Variants in ROBO2 observed in about 807,000 individuals in gnomAD.
ROBO2 encodes the protein roundabout homolog 2.
ROBO2 carries 53 observed loss-of-function variants against 160.8 expected under a neutral mutation model. That is an observed-to-expected ratio of 0.33 (90% CI 0.26 to 0.41). The LOEUF is 0.41. Among genes scored for constraint, ROBO2 ranks in the 10% least tolerant of loss-of-function variants. The pLI, the probability that ROBO2 is intolerant of heterozygous loss-of-function variation, is 1.00. For synonymous variants in ROBO2, 664 were observed against 611.7 expected (o/e 1.09, Z -1.26); for missense variants, 1,577 against 1,722.4 (o/e 0.92, Z 1.49).
intron 2 of ROBO2, among the ~76,000 whole-genome samples, chr3:76,678,371 A>T (rs1010364923): frequency 1.3e-5 from 2 of 152,048 alleles, no homozygotes; most frequent in African/African-American, 2.4e-5. Context: ...CCTTTTTATA[A>T]TGAACTTGGT....
At chr3:77,086,662 G>A (rs1350309383) in intron 1 of ROBO2, among the ~76,000 whole-genome samples, 1 of 152,070 alleles carries the variant, frequency 6.6e-6, no homozygotes, top group Admixed American at 6.6e-5. Context: ...AAATTCTGTA[G>A]TAAATGAATG....
chr3:76,972,110 C>T (rs953432820), intron 2 of ROBO2, among the ~76,000 whole-genome samples: 5 of 152,128 alleles, frequency 3.3e-5, no homozygotes, highest in African/African-American at 1.2e-4. Flanking sequence ...TTACATCTAA[C>T]ACCTTAACAA....
At chr3:77,012,143 A>C (rs1032966681) in intron 2 of ROBO2, among the ~76,000 whole-genome samples, 1 of 152,194 alleles carries the variant, frequency 6.6e-6, no homozygotes, top group African/African-American at 2.4e-5. Flanking sequence ...TTTGAAGGGC[A>C]ATGAATACAT....
intron 2 of ROBO2, among the ~76,000 whole-genome samples, chr3:76,061,386 G>C (rs761709097): frequency 7.2e-5 from 11 of 152,086 alleles, no homozygotes; most frequent in Non-Finnish European, 1.2e-4. Flanking sequence ...TTCAGATTGG[G>C]ATTTTCTTTT....
intron 2 of ROBO2, among the ~76,000 whole-genome samples, chr3:76,222,241 C>G (rs1704012462): frequency 1.3e-5 from 2 of 152,192 alleles, no homozygotes; most frequent in East Asian, 3.9e-4. Flanking sequence ...GTTCTTGCCT[C>G]CTCAGAAGAA....
At chr3:76,357,923 G>A (rs2075275611) in intron 2 of ROBO2, among the ~76,000 whole-genome samples, 1 of 149,894 alleles carries the variant, frequency 6.7e-6, no homozygotes, top group African/African-American at 2.4e-5. Flanking sequence ...TTTTAAATAT[G>A]CTTACCCATA....
intron 2 of ROBO2, among the ~76,000 whole-genome samples, chr3:76,824,316 G>C (rs73123355): frequency 0.13 from 19,157 of 152,150 alleles, 1,332 homozygotes; most frequent in East Asian, 0.24. Flanking sequence ...GTTACTACCT[G>C]GAACTACTGA....
chr3:77,126,714 T>TATATATATATATATATATATATATA (rs1560065744), intron 2 of ROBO2, among the ~76,000 whole-genome samples: 38 of 137,676 alleles, frequency 2.8e-4, no homozygotes, highest in African/African-American at 1.2e-3. Context: ...ATATATATAT[T>TATATATATATATATATATATATATA]TTTTTTCCTT....
At chr3:76,773,128 G>T (rs184690121) in intron 2 of ROBO2, among the ~76,000 whole-genome samples, 36 of 151,182 alleles carry the variant, frequency 2.4e-4, no homozygotes, top group African/African-American at 8.7e-4. Flanking sequence ...GCAATCTAAT[G>T]AATGGTCATG....
intron 2 of ROBO2, among the ~76,000 whole-genome samples, chr3:76,880,102 C>A (rs945530383): frequency 1.3e-5 from 2 of 152,204 alleles, no homozygotes; most frequent in African/African-American, 2.4e-5. Context: ...TTTCTCCCCT[C>A]GAAGTGTTTT....
At chr3:77,508,000 A>C (rs2088819220) in intron 5 of ROBO2, among the ~76,000 whole-genome samples, 1 of 151,994 alleles carries the variant, frequency 6.6e-6, no homozygotes, top group African/African-American at 2.4e-5. Flanking sequence ...CAATAATGAA[A>C]ATAATGAAAT....
At chr3:76,024,896 T>A (rs758300568) in intron 2 of ROBO2, among the ~76,000 whole-genome samples, 1 of 151,104 alleles carries the variant, frequency 6.6e-6, no homozygotes, top group Non-Finnish European at 1.5e-5. Flanking sequence ...CAAACTCACC[T>A]TTCTGGGCAG....
chr3:75,930,952 A>G (rs1490009684), intron 1 of ROBO2, among the ~76,000 whole-genome samples: 2 of 152,200 alleles, frequency 1.3e-5, no homozygotes, highest in Admixed American at 1.3e-4. Flanking sequence ...TTAGCTACAT[A>G]GAAACCAAAG....
chr3:77,515,159 C>A (rs9309770), intron 5 of ROBO2, among the ~76,000 whole-genome samples: 1 of 151,608 alleles, frequency 6.6e-6, no homozygotes, highest in African/African-American at 2.4e-5. Context: ...ATCACAATTA[C>A]AGGCCTATCC....
At chr3:76,531,739 AAAC>A (rs934874016) in intron 2 of ROBO2, among the ~76,000 whole-genome samples, 1 of 151,860 alleles carries the variant, frequency 6.6e-6, no homozygotes, top group Non-Finnish European at 1.5e-5. Flanking sequence ...TTTGTTGAAA[AAAC>A]AACAACACTA....
intron 1 of ROBO2, among the ~76,000 whole-genome samples, chr3:75,932,457 G>T (rs562759563): frequency 6.6e-6 from 1 of 152,256 alleles, no homozygotes; most frequent in Non-Finnish European, 1.5e-5. Context: ...AACTTGAGAG[G>T]CCTGGAGGAT....
chr3:77,521,432 G>A (rs915518460), intron 5 of ROBO2, among the ~76,000 whole-genome samples: 2 of 151,248 alleles, frequency 1.3e-5, no homozygotes, highest in African/African-American at 2.4e-5. Flanking sequence ...CAGAATTATT[G>A]CTGTAGCAAT....
intron 2 of ROBO2, among the ~76,000 whole-genome samples, chr3:77,003,598 T>C (rs911256744): frequency 1.3e-5 from 2 of 152,168 alleles, no homozygotes; most frequent in Non-Finnish European, 2.9e-5. Flanking sequence ...TCTCACTCTG[T>C]CACTCAGGCT....
chr3:76,996,589 G>T (rs1450459793), intron 2 of ROBO2, among the ~76,000 whole-genome samples: 4 of 148,282 alleles, frequency 2.7e-5, no homozygotes, highest in African/African-American at 1.0e-4. Context: ...CCTGAGCATG[G>T]AATGTTCTTC....
Sources: allele counts gnomAD v4.1 joint callset (sites outside exome capture counted in the v4.1 genomes callset), GRCh38; gene constraint gnomAD v4.1.1; transcripts MANE v1.5; gene names NCBI Gene and HGNC (gene_info 2026-07-23, HGNC 2026-07-21).